CNTNAP5: variants seen among roughly 807,000 people sequenced by gnomAD.
CNTNAP5 encodes the protein contactin associated protein family member 5.
CNTNAP5 carries 72 observed loss-of-function variants against 150.2 expected under a neutral mutation model. That is an observed-to-expected ratio of 0.48 (90% CI 0.40 to 0.58). The LOEUF is 0.58. CNTNAP5 is among the 20% of genes least tolerant of loss of function. The pLI, the probability that CNTNAP5 is intolerant of heterozygous loss-of-function variation, is 0.00. For missense variants in CNTNAP5, 1,636 were observed against 1,626.2 expected (o/e 1.01, Z -0.10); for synonymous variants, 672 against 619.8 (o/e 1.08, Z -1.25).
chr2:124,130,569 T>G (rs1286985496), intron 1 of CNTNAP5, among the ~76,000 whole-genome samples: 2 of 152,132 alleles, frequency 1.3e-5, no homozygotes, highest in Admixed American at 1.3e-4. Flanking sequence ...AGACAGGTTG[T>G]CTGGTCACCC....
At chr2:124,766,639 A>C (rs1009521249) in intron 16 of CNTNAP5, among the ~76,000 whole-genome samples, 1 of 152,174 alleles carries the variant, frequency 6.6e-6, no homozygotes, top group African/African-American at 2.4e-5. Flanking sequence ...CAGTCTCTAA[A>C]AATGTTGAGT....
At chr2:124,555,667 C>G (rs1385784428) in intron 10 of CNTNAP5, among the ~76,000 whole-genome samples, 1 of 152,092 alleles carries the variant, frequency 6.6e-6, no homozygotes, top group Non-Finnish European at 1.5e-5. Flanking sequence ...AATTTTCTGA[C>G]ATTAGTAGTA....
At chr2:124,315,783 T>TCTAC (rs1360988279) in intron 3 of CNTNAP5, among the ~76,000 whole-genome samples, 2 of 152,078 alleles carry the variant, frequency 1.3e-5, no homozygotes, top group Non-Finnish European at 2.9e-5. Flanking sequence ...TTGAAAAAAA[T>TCTAC]CTACCCCTCA....
intron 11 of CNTNAP5, among the ~76,000 whole-genome samples, chr2:124,577,080 A>T (rs1696299605): frequency 6.6e-6 from 1 of 152,076 alleles, no homozygotes; most frequent in South Asian, 2.1e-4. Flanking sequence ...TAGCTATAAG[A>T]TTTATTTCTT....
intron 11 of CNTNAP5, among the ~76,000 whole-genome samples, chr2:124,581,057 G>A (rs1696399587): frequency 6.6e-6 from 1 of 152,150 alleles, no homozygotes; most frequent in Non-Finnish European, 1.5e-5. Context: ...ATATGATAGG[G>A]AAGAGCACAG....
intron 1 of CNTNAP5, among the ~76,000 whole-genome samples, chr2:124,028,082 A>C (rs1680946817): frequency 6.6e-6 from 1 of 152,170 alleles, no homozygotes; most frequent in Non-Finnish European, 1.5e-5. Flanking sequence ...ACTTTATAAA[A>C]GTTTATTTGG....
intron 11 of CNTNAP5, among the ~76,000 whole-genome samples, chr2:124,606,002 A>C (rs1230716580): frequency 6.6e-6 from 1 of 151,990 alleles, no homozygotes; most frequent in Non-Finnish European, 1.5e-5. Context: ...TTATCCTCTT[A>C]TGTTAATTCT....
intron 1 of CNTNAP5, among the ~76,000 whole-genome samples, chr2:124,105,926 CG>C (rs1683162473): frequency 2.6e-5 from 4 of 152,030 alleles, no homozygotes; most frequent in Admixed American, 2.6e-4. Context: ...TATTAGTCTA[CG>C]GAGGGTAACT....
Position 124,747,288 on chromosome 2 carries a change from G to T in CNTNAP5, c.2137G>T (p.Gly713Cys). The T allele has an allele frequency of 1.2e-6, 2 of 1,613,792 alleles. No individual in the cohort carries two copies. Among genetic ancestry groups the T allele is most frequent in the East Asian group, 2.2e-5 (1 of 44,784 alleles). ...RSNERHPYWGGSPPGVQQCEC... is the reference protein window; with the variant it reads ...RSNERHPYWGCSPPGVQQCEC... ...CAATGAAAGGCACCCTTACTGGGGA[G>T]GTTCCCCTCCTGGGGTCCAGCAGTG... The change falls in exon 14 of 24, where the codon GGT (glycine) becomes TGT (cysteine). Residue 713 changes from glycine to cysteine, a missense_variant. Physicochemically the swap from Gly to Cys is radical, Grantham distance 159. Coordinates refer to ENST00000682447, the MANE Select transcript of CNTNAP5 (RefSeq NM_001367498.1).
At chr2:124,590,860 G>C (rs946478993) in intron 11 of CNTNAP5, among the ~76,000 whole-genome samples, 1 of 152,138 alleles carries the variant, frequency 6.6e-6, no homozygotes, top group African/African-American at 2.4e-5. Flanking sequence ...ACTTGAAAAG[G>C]TGAGGTCTAA....
chr2:124,812,165 A>G (rs920416169), intron 19 of CNTNAP5, among the ~76,000 whole-genome samples: 4 of 117,758 alleles, frequency 3.4e-5, no homozygotes, highest in Non-Finnish European at 4.9e-5. Flanking sequence ...TAAATAATAT[A>G]TGTATTTATA....
At chr2:124,380,200 T>C (rs1276514147) in intron 3 of CNTNAP5, among the ~76,000 whole-genome samples, 2 of 152,152 alleles carry the variant, frequency 1.3e-5, no homozygotes, top group African/African-American at 4.8e-5. Context: ...AGATTAACCA[T>C]GTGGCAAGAA....
At chr2:124,152,295 T>C (rs1684424983) in intron 1 of CNTNAP5, among the ~76,000 whole-genome samples, 1 of 152,200 alleles carries the variant, frequency 6.6e-6, no homozygotes, top group Non-Finnish European at 1.5e-5. Flanking sequence ...ATGCATACTA[T>C]ATGCTAGGCA....
chr2:124,732,949 T>C (rs374221942), intron 13 of CNTNAP5, among the ~76,000 whole-genome samples: 1 of 152,200 alleles, frequency 6.6e-6, no homozygotes, highest in Non-Finnish European at 1.5e-5. Flanking sequence ...GGATTAGTTG[T>C]TGTCTTGATA....
chr2:124,887,472 C>A (rs557025994), intron 21 of CNTNAP5, among the ~76,000 whole-genome samples: 36 of 152,148 alleles, frequency 2.4e-4, no homozygotes, highest in African/African-American at 6.5e-4. Flanking sequence ...ATGTGGGATT[C>A]TAGGCCTCAG....
intron 1 of CNTNAP5, among the ~76,000 whole-genome samples, chr2:124,160,133 A>G (rs1403564984): frequency 2.4e-4 from 36 of 152,166 alleles, no homozygotes; most frequent in Admixed American, 2.4e-3. Context: ...CTGGAGACTC[A>G]GGAGAGCAGA....
intron 11 of CNTNAP5, among the ~76,000 whole-genome samples, chr2:124,606,596 T>C (rs1697111044): frequency 2.0e-5 from 3 of 152,128 alleles, no homozygotes; most frequent in Admixed American, 6.6e-5. Flanking sequence ...TACCTGAGAC[T>C]GCGCAATTTA....
chr2:124,374,905 A>T (rs904744046), intron 3 of CNTNAP5, among the ~76,000 whole-genome samples: 1 of 152,090 alleles, frequency 6.6e-6, no homozygotes, highest in Non-Finnish European at 1.5e-5. Flanking sequence ...AGTCAAGCTA[A>T]TAAGAGCTCC....
intron 5 of CNTNAP5, among the ~76,000 whole-genome samples, chr2:124,436,819 C>A (rs1351651504): frequency 6.6e-6 from 1 of 152,134 alleles, no homozygotes; most frequent in African/African-American, 2.4e-5. Flanking sequence ...CTATATTCTG[C>A]ATAGTTTTAA....
Sources: allele counts gnomAD v4.1 joint callset (sites outside exome capture counted in the v4.1 genomes callset), GRCh38; gene constraint gnomAD v4.1.1; transcripts MANE v1.5; gene names NCBI Gene and HGNC (gene_info 2026-07-23, HGNC 2026-07-21).